MAML3: variants seen among roughly 807,000 people sequenced by gnomAD.
MAML3 encodes mastermind like transcriptional coactivator 3.
MAML3 carries 27 observed loss-of-function variants against 101.9 expected under a neutral mutation model. That is an observed-to-expected ratio of 0.27 (90% CI 0.20 to 0.37). The LOEUF is 0.37. MAML3 is among the 10% of genes least tolerant of loss of function. MAML3 has a pLI of 1.00. For synonymous variants in MAML3, 501 were observed against 555.9 expected, an observed-to-expected ratio of 0.90 and a Z score of 1.39; for missense variants, 1,316 against 1,444.9, an observed-to-expected ratio of 0.91 and a Z score of 1.45.
At chr4:139,801,643 GGTGTGTGTGTGTGTGTGTGTGTGTGTGT>G (rs755484864) in intron 2 of MAML3, among the ~76,000 whole-genome samples, 114 of 30,780 alleles carry the variant, frequency 3.7e-3, no homozygotes, top group African/African-American at 9.1e-3. Context: ...GGTGTGTGTG[GGTGTGTGTGTGTGTGTGTGTGTGTGTGT>G]GTGTGTGTGT....
chr4:139,797,559 C>T (rs1380306798), intron 2 of MAML3, among the ~76,000 whole-genome samples: 1 of 152,096 alleles, frequency 6.6e-6, no homozygotes, highest in Non-Finnish European at 1.5e-5. Flanking sequence ...AGCAAGGACA[C>T]AGAGCAGCCA....
chr4:139,773,753 T>C (rs1730040183), intron 2 of MAML3, among the ~76,000 whole-genome samples: 1 of 152,230 alleles, frequency 6.6e-6, no homozygotes, highest in Admixed American at 6.5e-5. Flanking sequence ...TTTCCATGTA[T>C]CATATTGACA....
intron 2 of MAML3, among the ~76,000 whole-genome samples, chr4:139,733,939 G>T (rs1191530069): frequency 6.6e-6 from 1 of 152,182 alleles, no homozygotes; most frequent in Non-Finnish European, 1.5e-5. Flanking sequence ...CAATCCTCCT[G>T]CCTTGGCCTC....
chr4:139,994,228 T>C (rs937894649), intron 1 of MAML3, among the ~76,000 whole-genome samples: 1 of 152,256 alleles, frequency 6.6e-6, no homozygotes. Flanking sequence ...TAAGATCTTT[T>C]ATTTCTCTCA....
chr4:139,841,248 C>T (rs1560810565), intron 2 of MAML3, among the ~76,000 whole-genome samples: 2 of 152,204 alleles, frequency 1.3e-5, no homozygotes, highest in African/African-American at 4.8e-5. Context: ...TTAACTCCCT[C>T]TCTGCAGACC....
At chr4:140,012,108 T>C (rs1339259730) in intron 1 of MAML3, among the ~76,000 whole-genome samples, 1 of 151,978 alleles carries the variant, frequency 6.6e-6, no homozygotes, top group African/African-American at 2.4e-5. Context: ...GGTCTTAAAA[T>C]AGAAAGTTTT....
intron 2 of MAML3, among the ~76,000 whole-genome samples, chr4:139,813,982 T>C (rs1730849888): frequency 6.7e-6 from 1 of 150,338 alleles, no homozygotes; most frequent in African/African-American, 2.5e-5. Context: ...AACAGAAATG[T>C]CATCAAAGCC....
chr4:140,118,163 TG>T (rs1270060395), intron 1 of MAML3, among the ~76,000 whole-genome samples: 2 of 151,476 alleles, frequency 1.3e-5, no homozygotes, highest in African/African-American at 4.8e-5. Context: ...TTTGTGGGTT[TG>T]TTTTTTTTTT....
chr4:139,852,420 T>TG (rs1731576145), intron 2 of MAML3, among the ~76,000 whole-genome samples: 1 of 140,004 alleles, frequency 7.1e-6, no homozygotes, highest in African/African-American at 2.7e-5. Flanking sequence ...TTTTTTTTTT[T>TG]TTTTTTTTTT....
chr4:139,871,739 C>T (rs1732011051), intron 2 of MAML3, among the ~76,000 whole-genome samples: 1 of 152,186 alleles, frequency 6.6e-6, no homozygotes, highest in African/African-American at 2.4e-5. Flanking sequence ...TAACCCTTCG[C>T]AACCCAGTTT....
chr4:139,839,082 A>C (rs968408005), intron 2 of MAML3, among the ~76,000 whole-genome samples: 1 of 152,202 alleles, frequency 6.6e-6, no homozygotes, highest in Non-Finnish European at 1.5e-5. Context: ...GACTGCTTGA[A>C]GCCAGGTGGC....
chr4:140,013,127 A>G (rs1379843706), intron 1 of MAML3, among the ~76,000 whole-genome samples: 1 of 152,226 alleles, frequency 6.6e-6, no homozygotes, highest in Non-Finnish European at 1.5e-5. Flanking sequence ...CTATTTGGGT[A>G]TACCTATTTT....
At chr4:139,733,540 C>A (rs1667279656) in intron 2 of MAML3, among the ~76,000 whole-genome samples, 1 of 138,194 alleles carries the variant, frequency 7.2e-6, no homozygotes, top group African/African-American at 2.7e-5. Context: ...AGAAGAAATA[C>A]TTCAAAAGCA....
At chr4:140,074,772 C>A (rs908762080) in intron 1 of MAML3, among the ~76,000 whole-genome samples, 1 of 152,188 alleles carries the variant, frequency 6.6e-6, no homozygotes, top group Non-Finnish European at 1.5e-5. Context: ...TGCCAAACAA[C>A]CACAGATGGC....
chr4:139,764,145 G>A (rs576142748), intron 2 of MAML3, among the ~76,000 whole-genome samples: 2 of 152,268 alleles, frequency 1.3e-5, no homozygotes, highest in East Asian at 1.9e-4. Flanking sequence ...TTAATAACAC[G>A]AGACAGAAAT....
intron 1 of MAML3, among the ~76,000 whole-genome samples, chr4:140,045,727 G>A (rs1302622543): frequency 6.6e-6 from 1 of 152,102 alleles, no homozygotes; most frequent in Non-Finnish European, 1.5e-5. Flanking sequence ...TCCTGAGTAT[G>A]GCAACACTCA....
chr4:139,760,163 G>A (rs907051687), intron 2 of MAML3, among the ~76,000 whole-genome samples: 5 of 152,220 alleles, frequency 3.3e-5, no homozygotes, highest in African/African-American at 1.2e-4. Context: ...TTCTCTAACG[G>A]GGAGTGATAA....
chr4:139,738,815 ATG>A (rs1386972853), intron 2 of MAML3, among the ~76,000 whole-genome samples: 3 of 152,184 alleles, frequency 2.0e-5, no homozygotes, highest in African/African-American at 7.2e-5. Flanking sequence ...TAATATTTTG[ATG>A]TGTTTTTATA....
chr4:140,065,959 T>C (rs1727530469), intron 1 of MAML3, among the ~76,000 whole-genome samples: 1 of 152,170 alleles, frequency 6.6e-6, no homozygotes, highest in African/African-American at 2.4e-5. Flanking sequence ...TACAAAAGGA[T>C]TTACTCAAAG....
Sources: allele counts gnomAD v4.1 joint callset (sites outside exome capture counted in the v4.1 genomes callset), GRCh38; gene constraint gnomAD v4.1.1; transcripts MANE v1.5; gene names NCBI Gene and HGNC (gene_info 2026-07-23, HGNC 2026-07-21).